The following STK38L variants were observed in gnomAD, a reference collection of about 807,000 sequenced individuals.
The protein encoded by STK38L is serine/threonine kinase 38 like, also known as serine/threonine-protein kinase 38-like.
A neutral mutation model predicts 59.7 loss-of-function variants in STK38L; 28 were observed. The observed-to-expected ratio is 0.47, with a 90% confidence interval of 0.35 to 0.64. The LOEUF (loss-of-function observed/expected upper bound fraction) is 0.64. STK38L is among the 30% of genes least tolerant of loss of function. The pLI is 0.01. For synonymous variants in STK38L, 162 were observed against 176.8 expected (o/e 0.92, Z 0.66); for missense variants, 314 against 555.8 (o/e 0.56, Z 4.37).
intron 1 of STK38L, among the ~76,000 whole-genome samples, chr12:27,260,213 G>C (rs781266448): frequency 5.3e-5 from 8 of 152,080 alleles, no homozygotes; most frequent in Non-Finnish European, 1.2e-4. Context: ...AAGCTCACAA[G>C]TTTCAGTCTG....
At chr12:27,293,728 T>TAA (rs1429678920) in intron 1 of STK38L, 3 of 152,256 alleles carry the variant, frequency 2.0e-5, no homozygotes, top group Non-Finnish European at 4.4e-5. Context: ...TCTGCAAGCA[T>TAA]AACTGTGAAC....
rs1297167524 is a variant in STK38L, at chr12:27,324,455, A to G, written c.*2000A>G. 6.6e-6 allele frequency: 1 copy of G among 152,122 alleles called. No individual in the cohort carries two copies. The highest frequency in any genetic ancestry group is 2.4e-5 in the African/African-American group (1 of 41,452). 9.4% of individuals were successfully genotyped at this position (152,122 alleles called of 1,614,324 possible). ...ATTGTCTAGTTCTAGTATGGTAACT[A>G]TTCTTGAAATGGTATTGAAAAATAC... On this transcript the variant is annotated 3_prime_UTR_variant, in exon 14 of 14. Transcript: ENST00000389032.
At chr12:27,315,854 T>C (rs1215177344) in intron 9 of STK38L, among the ~76,000 whole-genome samples, 1 of 152,206 alleles carries the variant, frequency 6.6e-6, no homozygotes, top group Non-Finnish European at 1.5e-5. Context: ...ATTTAATTAC[T>C]CCTTTAATAT....
At position 27,308,871 on chromosome 12, in the gene STK38L, TATAA is replaced by T. The variant is rs1474760628; in HGVS notation, c.310-239_310-236del. 3.2e-5 allele frequency among the ~76,000 whole-genome samples: 4 copies of T among 126,502 alleles called. No homozygotes were observed. Among genetic ancestry groups the T allele is most frequent in the East Asian group, 2.1e-4 (1 of 4,746 alleles). 83.0% of individuals were successfully genotyped at this position (126,502 alleles called of 152,430 possible). On this transcript the variant is annotated intron_variant, in intron 4 of 13. Transcript: ENST00000389032. This position sits in a 1 kb window ranked among gnomAD's most constrained non-coding sequence, Gnocchi z 4.5. ...GTATATATAAAAAAATATATATAAA[TATAA>T]ATATATATAAATGTAAATATATAAA...
chr12:27,244,904 GC>G (rs1460769930), intron 1 of STK38L, among the ~76,000 whole-genome samples: 2 of 152,190 alleles, frequency 1.3e-5, no homozygotes, highest in African/African-American at 4.8e-5. Flanking sequence ...TGCACCCGTA[GC>G]CCCTTCCTTT....
At chr12:27,249,021 G>A (rs1163959140) in intron 1 of STK38L, among the ~76,000 whole-genome samples, 3 of 152,134 alleles carry the variant, frequency 2.0e-5, no homozygotes, top group African/African-American at 4.8e-5. Flanking sequence ...GGTGGTTTGG[G>A]AAGATTGTCT....
At position 27,308,318 on chromosome 12, in the gene STK38L, T is replaced by G; in HGVS notation, c.187-21T>G. 6.6e-7 allele frequency: 1 copy of G among 1,518,480 alleles called. No individual in the cohort carries two copies. Among genetic ancestry groups the G allele is most frequent in the Non-Finnish European group, 8.8e-7 (1 of 1,133,026 alleles). 94.1% of individuals were successfully genotyped at this position (1,518,480 alleles called of 1,614,324 possible). On this transcript the variant is annotated intron_variant, in intron 3 of 13. Coordinates refer to ENST00000389032, the MANE Select transcript of STK38L (RefSeq NM_015000.4). This position sits in a 1 kb window ranked among gnomAD's most constrained non-coding sequence, Gnocchi z 4.5. ...CAACCTAATTATAAAATCATCCGTT[T>G]AAATTGTTTTTTTTTAATAGAAAAA...
chr12:27,309,283 G>A, intron 5 of STK38L, 86 bp downstream of exon 5: 1 of 892,886 alleles, frequency 1.1e-6, no homozygotes, highest in Non-Finnish European at 1.6e-6. Context: ...TTAAGAAGCA[G>A]TTTACACATC....
At chr12:27,319,022 A>G (rs10842901) in intron 11 of STK38L, among the ~76,000 whole-genome samples, 1 of 151,980 alleles carries the variant, frequency 6.6e-6, no homozygotes, top group Non-Finnish European at 1.5e-5. Flanking sequence ...TTATTGAAAA[A>G]TATTTAATGA....
intron 1 of STK38L, among the ~76,000 whole-genome samples, chr12:27,267,616 G>T (rs1943326920): frequency 6.6e-6 from 1 of 152,194 alleles, no homozygotes; most frequent in Non-Finnish European, 1.5e-5. Flanking sequence ...GAGTGGAATT[G>T]CTTGGTCATT....
chr12:27,278,129 T>C (rs1226518998), intron 1 of STK38L, among the ~76,000 whole-genome samples: 1 of 152,262 alleles, frequency 6.6e-6, no homozygotes, highest in Non-Finnish European at 1.5e-5. Flanking sequence ...GAGTAGCTGC[T>C]GCAATTAAGA....
At chr12:27,245,513 A>G (rs1942830307) in intron 1 of STK38L, 1 of 152,186 alleles carries the variant, frequency 6.6e-6, no homozygotes, top group Admixed American at 6.6e-5. Flanking sequence ...TCCTCAGTAC[A>G]GATTCTTGAA....
rs554177906 is a variant in STK38L, at chr12:27,320,343, C to T, written c.1175+920C>T. Among the ~76,000 whole-genome samples, 11 of 151,390 alleles carry T rather than the reference C, an allele frequency of 7.3e-5. No individual in the cohort carries two copies. The South Asian group carries it at 8.4e-4, about 12-fold the overall frequency. On this transcript the variant is annotated intron_variant, in intron 12 of 13. Coordinates refer to ENST00000389032, the MANE Select transcript of STK38L (RefSeq NM_015000.4). ...GTGCTGTGGCATGATCATGGCTCAC[C>T]GCAGCCTCGACCTCCAGGCCTCAAA...
chr12:27,283,982 A>G (rs1257642867), intron 1 of STK38L, among the ~76,000 whole-genome samples: 1 of 152,218 alleles, frequency 6.6e-6, no homozygotes. Flanking sequence ...TCTGTAATTG[A>G]AATCTTAATA....
At chr12:27,298,556 C>CTATAGTGTG (rs1944087051) in intron 2 of STK38L, 1 of 152,062 alleles carries the variant, frequency 6.6e-6, no homozygotes, top group South Asian at 2.1e-4. Flanking sequence ...CTTTAGAAAA[C>CTATAGTGTG]TTATACTAAA....
At chr12:27,255,885 C>G (rs1035702370) in intron 1 of STK38L, among the ~76,000 whole-genome samples, 4 of 152,162 alleles carry the variant, frequency 2.6e-5, no homozygotes, top group African/African-American at 4.8e-5. Context: ...TTGGTGTGTT[C>G]CATGGATAAC....
chr12:27,271,370 A>G (rs1332403565), intron 1 of STK38L, among the ~76,000 whole-genome samples: 1 of 152,232 alleles, frequency 6.6e-6, no homozygotes, highest in Admixed American at 6.5e-5. Context: ...CTTTTAAGGA[A>G]GGAGCAAAAC....
intron 1 of STK38L, among the ~76,000 whole-genome samples, chr12:27,263,091 A>G (rs1943235682): frequency 6.6e-6 from 1 of 152,194 alleles, no homozygotes; most frequent in Non-Finnish European, 1.5e-5. Context: ...GTGCCCAGCC[A>G]AGATTGTTTT....
intron 12 of STK38L, 80 bp from the exon 13 acceptor site, chr12:27,322,063 C>A: frequency 1.5e-6 from 2 of 1,294,072 alleles, no homozygotes; most frequent in Non-Finnish European, 2.2e-6. Context: ...GAATAGTATG[C>A]AGAATTTACA....
Sources: gnomAD v4.1 joint callset for allele counts (sites outside exome capture counted in the v4.1 genomes callset) on GRCh38, gnomAD v4.1.1 for gene constraint, Gnocchi (gnomAD v3.1) non-coding constraint, MANE v1.5 for transcripts, NCBI Gene and HGNC (gene_info 2026-07-23, HGNC 2026-07-21) for gene names.